PCDH9: variants seen among roughly 807,000 people sequenced by gnomAD.
The protein encoded by PCDH9 is protocadherin-9.
A neutral mutation model predicts 70.6 loss-of-function variants in PCDH9; 24 were observed. The ratio of observed to expected loss-of-function variants is 0.34; its 90% CI spans 0.25 to 0.48. The LOEUF (loss-of-function observed/expected upper bound fraction) is 0.48, where lower values mean the gene tolerates loss of function less well. PCDH9 is among the 20% of genes least tolerant of loss of function. The pLI, the probability that PCDH9 is intolerant of heterozygous loss-of-function variation, is 0.99. For missense variants in PCDH9, 1,281 were observed against 1,503.6 expected, an observed-to-expected ratio of 0.85 and a Z score of 2.45; for synonymous variants, 562 against 558.5, an observed-to-expected ratio of 1.01 and a Z score of -0.09.
intron 3 of PCDH9, among the ~76,000 whole-genome samples, chr13:66,656,683 A>T (rs1164870851): frequency 6.6e-6 from 1 of 152,156 alleles, no homozygotes; most frequent in East Asian, 1.9e-4. Context: ...TTCTTGAAAA[A>T]GGAGCCGCTA....
chr13:66,381,586 A>G (rs1461364788), intron 4 of PCDH9, among the ~76,000 whole-genome samples: 1 of 152,218 alleles, frequency 6.6e-6, no homozygotes. Flanking sequence ...TGTGCCCTAA[A>G]TCATAAGCAT....
intron 3 of PCDH9, among the ~76,000 whole-genome samples, chr13:66,707,112 C>CA (rs2078721803): frequency 6.6e-6 from 1 of 152,200 alleles, no homozygotes; most frequent in African/African-American, 2.4e-5. Flanking sequence ...CTTACCCCCA[C>CA]AAAAAATCAG....
intron 4 of PCDH9, among the ~76,000 whole-genome samples, chr13:66,369,153 G>A (rs1956603474): frequency 6.6e-6 from 1 of 152,108 alleles, no homozygotes; most frequent in Admixed American, 6.6e-5. Context: ...GCCCTTAAAT[G>A]TGTCTTAATT....
At chr13:66,702,191 A>G (rs1222526431) in intron 3 of PCDH9, among the ~76,000 whole-genome samples, 1 of 152,156 alleles carries the variant, frequency 6.6e-6, no homozygotes, top group Non-Finnish European at 1.5e-5. Flanking sequence ...ATAGGTTCGT[A>G]TTTTATTTTT....
intron 3 of PCDH9, among the ~76,000 whole-genome samples, chr13:66,731,617 T>C (rs1372572675): frequency 1.3e-5 from 2 of 152,048 alleles, no homozygotes; most frequent in Non-Finnish European, 2.9e-5. Flanking sequence ...AGCTCTTGCA[T>C]GGAAAGAAAA....
In PCDH9 at chr13:66,727,181, C is replaced by G. The variant is rs1055460059; in HGVS notation, c.3139-95770G>C. Among the ~76,000 whole-genome samples the G allele has an allele frequency of 2.0e-5, 3 of 152,238 alleles. No homozygotes were observed. The South Asian group carries it at 6.2e-4, about 32-fold the overall frequency. On this transcript the variant is annotated intron_variant, in intron 3 of 4. Transcript: ENST00000377865. ...TACTTGGAAGAACGAGGAATATCCC[C>G]TGAGCCCAGTCCAAGGCTGCAGTGA...
intron 4 of PCDH9, among the ~76,000 whole-genome samples, chr13:66,431,862 G>C (rs1957775446): frequency 6.6e-6 from 1 of 152,000 alleles, no homozygotes; most frequent in African/African-American, 2.4e-5. Flanking sequence ...CATTCTCTTT[G>C]ATATGATTTC....
chr13:66,654,244 T>C (rs1277013569), intron 3 of PCDH9, among the ~76,000 whole-genome samples: 2 of 152,126 alleles, frequency 1.3e-5, no homozygotes, highest in East Asian at 1.9e-4. Flanking sequence ...TTCTCACTTA[T>C]CTGTGGGAGC....
chr13:67,223,409 C>T (rs565525189), intron 2 of PCDH9: 1 of 152,092 alleles, frequency 6.6e-6, no homozygotes, highest in African/African-American at 2.4e-5. Context: ...TATATCAGTA[C>T]ATTTCTTTGG....
chr13:66,963,109 T>C (rs1008895427), intron 2 of PCDH9, among the ~76,000 whole-genome samples: 8 of 152,180 alleles, frequency 5.3e-5, no homozygotes, highest in African/African-American at 1.9e-4. Flanking sequence ...GAGAATCTAA[T>C]GCTGCTGCTG....
At chr13:67,110,147 G>C (rs1319994984) in intron 2 of PCDH9, among the ~76,000 whole-genome samples, 1 of 151,528 alleles carries the variant, frequency 6.6e-6, no homozygotes, top group Non-Finnish European at 1.5e-5. Context: ...CATAATCTAG[G>C]TTTAAGCTCA....
chr13:66,605,332 AAT>A (rs1250946864), intron 4 of PCDH9, among the ~76,000 whole-genome samples: 1 of 152,150 alleles, frequency 6.6e-6, no homozygotes, highest in Non-Finnish European at 1.5e-5. Context: ...ATCAACAAGT[AAT>A]ATATGTTGAT....
intron 2 of PCDH9, among the ~76,000 whole-genome samples, chr13:67,077,597 A>T (rs1038095117): frequency 5.9e-5 from 9 of 152,222 alleles, no homozygotes; most frequent in Non-Finnish European, 8.8e-5. Context: ...GGCACATAAT[A>T]GAATACGTAT....
intron 3 of PCDH9, among the ~76,000 whole-genome samples, chr13:66,832,181 T>C (rs535437502): frequency 6.6e-6 from 1 of 152,118 alleles, no homozygotes; most frequent in African/African-American, 2.4e-5. Context: ...ATTAAAAAAT[T>C]AATGATTATA....
intron 2 of PCDH9, among the ~76,000 whole-genome samples, chr13:66,909,942 C>T (rs1344007922): frequency 6.6e-6 from 1 of 152,132 alleles, no homozygotes; most frequent in Non-Finnish European, 1.5e-5. Flanking sequence ...GGCAGCAGAG[C>T]TTCTTCAACC....
intron 2 of PCDH9, among the ~76,000 whole-genome samples, chr13:66,931,842 C>T (rs777614412): frequency 6.6e-6 from 1 of 151,920 alleles, no homozygotes; most frequent in African/African-American, 2.4e-5. Flanking sequence ...CCAATCAGCA[C>T]CCCCCGACAC....
At chr13:67,016,891 A>G (rs1456403094) in intron 2 of PCDH9, among the ~76,000 whole-genome samples, 1 of 152,168 alleles carries the variant, frequency 6.6e-6, no homozygotes, top group Non-Finnish European at 1.5e-5. Context: ...AGTCTTTTTC[A>G]ATAATAGCAC....
intron 4 of PCDH9, among the ~76,000 whole-genome samples, chr13:66,359,280 A>G (rs7995375): frequency 0.47 from 71,623 of 151,780 alleles, 17,145 homozygotes; most frequent in Non-Finnish European, 0.51. Context: ...GTTTGAAAGA[A>G]TATCAGCATT....
intron 2 of PCDH9, among the ~76,000 whole-genome samples, chr13:66,961,799 T>C (rs1594317241): frequency 6.6e-6 from 1 of 152,112 alleles, no homozygotes; most frequent in Non-Finnish European, 1.5e-5. Context: ...ATACCTGTAA[T>C]CCCAGCACTT....
Sources: allele counts gnomAD v4.1 joint callset (sites outside exome capture counted in the v4.1 genomes callset), GRCh38; gene constraint gnomAD v4.1.1; transcripts MANE v1.5; gene names NCBI Gene and HGNC (gene_info 2026-07-23, HGNC 2026-07-21).